Variants in COL16A1 observed in about 807,000 individuals in gnomAD.
COL16A1 encodes collagen type XVI alpha 1 chain.
In COL16A1, 189 loss-of-function variants were observed where a neutral mutation model predicts 266.3. That is an observed-to-expected ratio of 0.71 (90% CI 0.63 to 0.80). The LOEUF (loss-of-function observed/expected upper bound fraction) is 0.80, where lower values mean the gene tolerates loss of function less well. Ranked by LOEUF, COL16A1 falls within the 30% of genes least tolerant of loss-of-function variation. The probability of loss-of-function intolerance (pLI) is 0.00; values close to 1 mark genes in which losing one functional copy is unlikely to be tolerated. For missense variants in COL16A1, 1,928 were observed against 2,122.4 expected (o/e 0.91, Z 1.80); for synonymous variants, 740 against 782.3 (o/e 0.95, Z 0.90).
At chr1:31,696,858 G>C (rs1386135544) in intron 8 of COL16A1, 105 bp downstream of exon 8, 1 of 1,566,796 alleles carries the variant, frequency 6.4e-7, no homozygotes, top group African/African-American at 1.3e-5. Context: ...CTCCTGCCCT[G>C]GGCCCATGGC....
chr1:31,702,347 T>C, intron 1 of COL16A1, 120 bp from the exon 2 acceptor site: 1 of 978,888 alleles, frequency 1.0e-6, no homozygotes, highest in Non-Finnish European at 1.5e-6. Flanking sequence ...GCAGGAGGTC[T>C]GGCCAGGCAT....
At chr1:31,699,204 T>C (rs566195821) in intron 4 of COL16A1, among the ~76,000 whole-genome samples, 1 of 152,236 alleles carries the variant, frequency 6.6e-6, no homozygotes, top group South Asian at 2.1e-4. Context: ...TCACGTCTGA[T>C]GGGGGCAGGG....
chr1:31,695,834 G>T, intron 9 of COL16A1, 47 bp from the exon 10 acceptor site: 2 of 1,561,414 alleles, frequency 1.3e-6, no homozygotes, highest in Non-Finnish European at 1.8e-6. Flanking sequence ...AGCTCAGGGG[G>T]CCGAGCACTG....
Position 31,692,021 on chromosome 1 carries a change from C to T in COL16A1, c.1241G>A (p.Gly414Glu), listed in dbSNP as rs1341238670. The change falls in exon 17 of 71, where the codon GGA becomes GAA. Residue 414 changes from glycine (G) to glutamate (E), a missense_variant. Physicochemically the swap from Gly to Glu is moderately conservative, Grantham distance 98 (BLOSUM62 -2). Coordinates refer to ENST00000373672, the MANE Select transcript of COL16A1 (RefSeq NM_001856.4). ...KGDGGIKGVP[G>E]KPGRDGRPGE... ...GGCACCTACGTCCCGGCCTGGCTTT[C>T]CCGGCACGCCCTTGATGCCTCCGTC... 1 of 1,613,786 alleles carries T rather than the reference C, an allele frequency of 6.2e-7. No individual in the cohort carries two copies.
intron 47 of COL16A1, 82 bp downstream of exon 47, chr1:31,672,334 A>G: frequency 6.7e-7 from 1 of 1,503,334 alleles, no homozygotes. Flanking sequence ...CAGTCAGGTG[A>G]GGCCTCGGAG....
chr1:31,675,199 G>C, intron 43 of COL16A1, 59 bp downstream of exon 43: 1 of 1,613,622 alleles, frequency 6.2e-7, no homozygotes, highest in Non-Finnish European at 8.5e-7. Context: ...TTCATAGCCT[G>C]AGCAGCCCTG....
chr1:31,667,477 A>G (rs1423448582), intron 52 of COL16A1, 98 bp downstream of exon 52: 1 of 1,034,476 alleles, frequency 9.7e-7, no homozygotes, highest in East Asian at 2.7e-5. Flanking sequence ...AGCAGGGGTC[A>G]CGATCCTCCC....
intron 62 of COL16A1, 71 bp downstream of exon 62, chr1:31,660,514 C>G (rs1287010159): frequency 6.3e-7 from 1 of 1,592,836 alleles, no homozygotes; most frequent in East Asian, 2.3e-5. Context: ...TCATGACAGC[C>G]TATGCACCAC....
In COL16A1 at chr1:31,668,366, C is replaced by T; in HGVS notation, c.3250-148G>A. ...AGCATTGCACACTGGGCCATCTCCC[C>T]AAGCCCCAGGTCCCCTCGGTCGTGA... On this transcript the variant is annotated intron_variant, in intron 50 of 70. Coordinates refer to ENST00000373672, the MANE Select transcript of COL16A1 (RefSeq NM_001856.4). This position sits in a 1 kb window ranked among gnomAD's most constrained non-coding sequence, Gnocchi z 5.8. 1.2e-6 allele frequency: 1 copy of T among 853,194 alleles called. No individual in the cohort carries two copies. The allele number at this position is 853,194 out of a possible 1,614,324, so 52.9% of individuals were successfully genotyped here.
rs1644110242 is a variant in COL16A1, at chr1:31,688,717, G to C, written c.1767+144C>G. 2 of 1,070,832 alleles carry C rather than the reference G, an allele frequency of 1.9e-6. No individual in the cohort carries two copies. Among genetic ancestry groups the C allele is most frequent in the Middle Eastern group, 2.1e-4 (1 of 4,816 alleles). The allele number at this position is 1,070,832 out of a possible 1,614,324, so 66.3% of individuals were successfully genotyped here. On this transcript the variant is annotated intron_variant, in intron 25 of 70. Coordinates refer to ENST00000373672, the MANE Select transcript of COL16A1 (RefSeq NM_001856.4). The surrounding 1 kb of genome is among the most constrained non-coding windows in gnomAD (Gnocchi z 4.9). Reference sequence around the variant, plus strand: ...GGGGCAGCACAGGGACGGAGGGAGGGACCAGGAGACAGGCCTGGGACACCT... The same window carrying C: ...GGGGCAGCACAGGGACGGAGGGAGGCACCAGGAGACAGGCCTGGGACACCT...
chr1:31,671,260 G>A (rs772815908), intron 48 of COL16A1, among the ~76,000 whole-genome samples: 2 of 152,228 alleles, frequency 1.3e-5, no homozygotes, highest in African/African-American at 2.4e-5. Flanking sequence ...CCAGCATGCC[G>A]CATGCTTCCC....
At position 31,655,426 on chromosome 1, in the gene COL16A1, T is replaced by C. The variant is rs1422273760; in HGVS notation, c.4178A>G (p.Lys1393Arg). The stretch of plus-strand genomic sequence containing the variant: ...CCCAACAGGCCCCATGGAACCACTC[T>C]TGCCAGGTCCACCAGGCATGCCGGC... ...GRAGMPGGPGKSGSMGPVGPP... is the reference protein window; with the variant it reads ...GRAGMPGGPGRSGSMGPVGPP... The change falls in exon 67 of 71, where the codon AAG becomes AGG. Residue 1393 changes from lysine (K) to arginine (R), a missense_variant. Coordinates refer to ENST00000373672, the MANE Select transcript of COL16A1 (RefSeq NM_001856.4). The C allele has an allele frequency of 6.2e-7, 1 of 1,614,024 alleles. No homozygotes were observed. Among genetic ancestry groups the C allele is most frequent in the Non-Finnish European group, 8.5e-7 (1 of 1,180,016 alleles).
chr1:31,670,374 A>G lies in COL16A1; in HGVS notation c.3195+228T>C. 1 of 459,310 alleles carries G rather than the reference A, an allele frequency of 2.2e-6. No individual in the cohort carries two copies. The highest frequency in any genetic ancestry group is 3.8e-6 in the Non-Finnish European group (1 of 263,990). 28.5% of individuals were successfully genotyped at this position (459,310 alleles called of 1,614,324 possible). A position where few individuals can be genotyped will look rare whatever the true frequency, so the allele number is the denominator to read the frequency against. ...CGGGGTAAGAGAGAGAAGAGGAGAG[A>G]AAGAACGCAGGAGAGGAGGGAGAGG... is the stretch of plus-strand genomic sequence containing the variant. On this transcript the variant is annotated intron_variant, in intron 49 of 70. Transcript: ENST00000373672. The surrounding 1 kb of genome is among the most constrained non-coding windows in gnomAD (Gnocchi z 4.5).
intron 26 of COL16A1, among the ~76,000 whole-genome samples, chr1:31,687,110 G>A (rs998212129): frequency 3.9e-5 from 6 of 152,168 alleles, no homozygotes; most frequent in Non-Finnish European, 7.3e-5. Context: ...GGCTGGGCAC[G>A]ATGGCTCACG....
Position 31,669,003 on chromosome 1 carries a change from C to T in COL16A1, c.3196-148G>A, listed in dbSNP as rs144466713. ...CTCGTAGTGTCCCTAGAAGGTGACC[C>T]GTAATGGGTGTGCTCCAGCAGGATG... On this transcript the variant is annotated intron_variant, in intron 49 of 70. Transcript: ENST00000373672. 574 of 682,312 alleles carry T rather than the reference C, an allele frequency of 8.4e-4. 1 individual carries two copies. In the African/African-American group the frequency reaches 8.5e-3, roughly 10 times the overall value. 42.3% of individuals were successfully genotyped at this position (682,312 alleles called of 1,614,324 possible).
In COL16A1 at chr1:31,672,604, C is replaced by T; in HGVS notation, c.3010G>A (p.Glu1004Lys). ...FLSLERPRAEEARGDNSEGDP... is the reference protein window; with the variant it reads ...FLSLERPRAEKARGDNSEGDP... Reference sequence around the variant, plus strand: ...TAAGGCGAGGCACTCACCCGGGCCTCCTCGGCTCTTGGGCGCTCCAGTGAC... The same window carrying T: ...TAAGGCGAGGCACTCACCCGGGCCTTCTCGGCTCTTGGGCGCTCCAGTGAC... Residue 1004 changes from glutamate to lysine, a missense_variant, in exon 46 of 71, where the codon GAG becomes AAG. Physicochemically the swap from Glu to Lys is moderately conservative, Grantham distance 56. Around this residue, in one of 2 missense-constraint regions of COL16A1, gnomAD observed 1,552 missense variants for 1,637.2 expected, o/e 0.95. Coordinates refer to ENST00000373672, the MANE Select transcript of COL16A1 (RefSeq NM_001856.4). The T allele has an allele frequency of 6.2e-7, 1 of 1,606,690 alleles. No homozygotes were observed. Among genetic ancestry groups the T allele is most frequent in the South Asian group, 1.1e-5 (1 of 90,238 alleles).
intron 52 of COL16A1, 39 bp downstream of exon 52, chr1:31,667,536 G>A (rs138981837): frequency 3.2e-5 from 49 of 1,545,674 alleles, no homozygotes; most frequent in Admixed American, 5.6e-5. Context: ...GTGGCTCCAC[G>A]TGCAGCCCTG....
chr1:31,703,192 C>G (rs1432067930), intron 1 of COL16A1, among the ~76,000 whole-genome samples: 1 of 152,226 alleles, frequency 6.6e-6, no homozygotes, highest in Non-Finnish European at 1.5e-5. Context: ...CACATGCGCA[C>G]AGCCAGCCTA....
At chr1:31,653,565 T>A in intron 70 of COL16A1, 34 bp downstream of exon 70, 2 of 1,602,236 alleles carry the variant, frequency 1.2e-6, no homozygotes, top group Non-Finnish European at 1.7e-6. Context: ...TCTGCTGCTC[T>A]GGATTCATGG....
Sources: gnomAD v4.1 joint callset for allele counts (sites outside exome capture counted in the v4.1 genomes callset) on GRCh38, gnomAD v4.1.1 for gene constraint, gnomAD v4.1.1 regional missense constraint, Gnocchi (gnomAD v3.1) non-coding constraint, MANE v1.5 for transcripts, NCBI Gene and HGNC (gene_info 2026-07-23, HGNC 2026-07-21) for gene names.